The following FH variants were observed in gnomAD, a reference collection of about 807,000 sequenced individuals.
FH encodes the protein fumarate hydratase, mitochondrial.
FH carries 22 observed loss-of-function variants against 49.4 expected under a neutral mutation model. That is an observed-to-expected ratio of 0.45 (90% CI 0.32 to 0.64). FH has a LOEUF of 0.64. FH is among the 30% of genes least tolerant of loss of function. The pLI is 0.05. For missense variants in FH, 526 were observed against 641.5 expected, an observed-to-expected ratio of 0.82 and a Z score of 1.95; for synonymous variants, 208 against 223.0, an observed-to-expected ratio of 0.93 and a Z score of 0.60.
At chr1:241,511,841 C>A in intron 4 of FH, 126 bp downstream of exon 4, 4 of 891,372 alleles carry the variant, frequency 4.5e-6, no homozygotes, top group South Asian at 1.5e-5. Context: ...AAATAAGAAC[C>A]ATAAGAAGCC....
rs776240700 is a variant in FH, at chr1:241,511,963, T to C, written c.555+4A>G. 8.7e-6 allele frequency: 14 copies of C among 1,613,856 alleles called. No individual in the cohort carries two copies. Among genetic ancestry groups the C allele is most frequent in the Admixed American group, 1.7e-5 (1 of 60,024 alleles). On this transcript the variant is annotated splice_donor_region_variant and intron_variant, in intron 4 of 9. Coordinates refer to ENST00000366560, the MANE Select transcript of FH (RefSeq NM_000143.4). ...CCAAAAAACAGCAAAGCTCACATACTGACCTGGCTTTTATTAACATGATCG... is the reference window on the plus strand; with the variant it reads ...CCAAAAAACAGCAAAGCTCACATACCGACCTGGCTTTTATTAACATGATCG...
chr1:241,518,767 T>G (rs1338076109), intron 1 of FH, among the ~76,000 whole-genome samples: 2 of 152,218 alleles, frequency 1.3e-5, no homozygotes, highest in African/African-American at 4.8e-5. Flanking sequence ...ACATATGTAT[T>G]TAAAGCTTTT....
At chr1:241,506,461 A>G (rs1659933567) in intron 5 of FH, among the ~76,000 whole-genome samples, 1 of 152,210 alleles carries the variant, frequency 6.6e-6, no homozygotes, top group Non-Finnish European at 1.5e-5. Flanking sequence ...CACTTTAAAA[A>G]GAACAACTTT....
At chr1:241,498,136 T>C (rs1659671645) in intron 9 of FH, among the ~76,000 whole-genome samples, 166 bp from the exon 10 acceptor site, 1 of 152,226 alleles carries the variant, frequency 6.6e-6, no homozygotes, top group African/African-American at 2.4e-5. Context: ...AATCATTTTT[T>C]ATGTAGAACA....
rs544725540 is a variant in FH at position 241,509,062 on chromosome 1, T to C, written c.556-277A>G. On this transcript the variant is annotated intron_variant, in intron 4 of 9. Transcript: ENST00000366560. Reference sequence around the variant, plus strand: ...TTACGTATTATATTATATTATGTATTATATAATATATTATGTATTATATTA... The same window carrying C: ...TTACGTATTATATTATATTATGTATCATATAATATATTATGTATTATATTA... Among the ~76,000 whole-genome samples the C allele has an allele frequency of 1.0e-3, 156 of 148,796 alleles. 1 individual carries two copies. Among genetic ancestry groups the C allele is most frequent in the African/African-American group, 3.8e-3 (155 of 40,972 alleles).
In FH at chr1:241,497,839, C is replaced by G. The variant is rs1659661545; in HGVS notation, c.1522G>C (p.Gly508Arg). The G allele has an allele frequency of 3.7e-6, 6 of 1,607,444 alleles. No individual in the cohort carries two copies. Among genetic ancestry groups the G allele is most frequent in the Non-Finnish European group, 5.1e-6 (6 of 1,177,200 alleles). ...TAAATTTATGTAAATCACTTTGGAC[C>G]CAGCATGTCCTTAGGTTTTACCCAT... The part of the protein sequence containing the change: ...DEWVKPKDML[G>R]PK The change falls in exon 10 of 10, where the codon GGT (glycine) becomes CGT (arginine). Residue 508 changes from glycine to arginine, a missense_variant. Transcript: ENST00000366560.
chr1:241,518,269 G>T (rs958594370), intron 1 of FH, among the ~76,000 whole-genome samples: 6 of 152,152 alleles, frequency 3.9e-5, no homozygotes, highest in African/African-American at 1.2e-4. Flanking sequence ...TCTGATTTTA[G>T]CTAACATTAC....
chr1:241,515,107 A>C (rs1352660262), intron 2 of FH, among the ~76,000 whole-genome samples: 5 of 152,248 alleles, frequency 3.3e-5, no homozygotes, highest in Non-Finnish European at 7.3e-5. Context: ...TTAGATGTTC[A>C]TAATCTTTTT....
Position 241,517,193 on chromosome 1 carries a change from C to G in FH, c.256G>C (p.Glu86Gln). The G allele has an allele frequency of 6.2e-7, 1 of 1,614,178 alleles. No individual in the cohort carries two copies. Among genetic ancestry groups the G allele is most frequent in the Non-Finnish European group, 8.5e-7 (1 of 1,180,040 alleles). ...CAAATGCCACTTACTGGCATGCGTT[C>G]TGTCACACCTCCAATCTTAAAGTTC... ...TMNFKIGGVT[E>Q]RMPTPVIKAF... The change falls in exon 2 of 10, where the codon GAA becomes CAA. Residue 86 changes from glutamate (E) to glutamine (Q), a missense_variant. Glu to Gln is a conservative substitution (Grantham distance 29, BLOSUM62 2). This residue lies in a region of FH where 143 missense variants were observed against 127.5 expected (regional missense o/e 1.12). Transcript: ENST00000366560.
Position 241,519,685 on chromosome 1 carries a change from G to C in FH, c.38C>G (p.Pro13Arg), listed in dbSNP as rs1190505598. 6.5e-7 allele frequency: 1 copy of C among 1,547,138 alleles called. No homozygotes were observed. Among genetic ancestry groups the C allele is most frequent in the East Asian group, 2.4e-5 (1 of 40,828 alleles). ...RALRLLARSR[P>R]LVRAPAAALA... The stretch of plus-strand genomic sequence containing the variant: ...GGCTGCGGCTGGAGCCCGCACGAGG[G>C]GACGCGAGCGCGCGAGGAGCCGAAG... Residue 13 changes from proline (P) to arginine (R), a missense_variant, in exon 1 of 10, where the codon CCC becomes CGC. Physicochemically the swap from Pro to Arg is moderately radical, Grantham distance 103. Transcript: ENST00000366560.
At position 241,514,077 on chromosome 1, in the gene FH, T is replaced by G. The variant is rs182622112; in HGVS notation, c.268-364A>C. Among the ~76,000 whole-genome samples the G allele has an allele frequency of 3.3e-5, 5 of 152,204 alleles. No individual in the cohort carries two copies. In the East Asian group the frequency reaches 9.7e-4, roughly 29 times the overall value. ...TCATATACTATAAATAAAAACAAATTTAGTACTCAATCTTTTCACCAGCAA... is the reference window on the plus strand; with the variant it reads ...TCATATACTATAAATAAAAACAAATGTAGTACTCAATCTTTTCACCAGCAA... On this transcript the variant is annotated intron_variant, in intron 2 of 9. Transcript: ENST00000366560.
intron 9 of FH, among the ~76,000 whole-genome samples, chr1:241,498,846 A>T (rs1659696117): frequency 6.7e-6 from 1 of 149,964 alleles, no homozygotes; most frequent in South Asian, 2.1e-4. Flanking sequence ...GGCAGTATAC[A>T]TCATCAATAA....
chr1:241,507,184 T>C (rs1299553307), intron 5 of FH, among the ~76,000 whole-genome samples: 1 of 152,170 alleles, frequency 6.6e-6, no homozygotes, highest in Non-Finnish European at 1.5e-5. Flanking sequence ...CATTTAGATA[T>C]GTTTAGATAC....
In FH at chr1:241,517,223, T is replaced by C; in HGVS notation, c.226A>G (p.Thr76Ala). 15 of 1,614,198 alleles carry C rather than the reference T, an allele frequency of 9.3e-6. No individual in the cohort carries two copies. Among genetic ancestry groups the C allele is most frequent in the Non-Finnish European group, 1.1e-5 (13 of 1,180,030 alleles). The change falls in exon 2 of 10, where the codon ACG (threonine) becomes GCG (alanine). Residue 76 changes from threonine to alanine, a missense_variant. Around this residue, in one of 2 missense-constraint regions of FH, gnomAD observed 143 missense variants for 127.5 expected, o/e 1.12. Transcript: ENST00000366560. ...ACACCTCCAATCTTAAAGTTCATCG[T>C]AGATCTCACGGTCTGGGCGCCATAA... ...KYYGAQTVRS[T>A]MNFKIGGVTE... is the part of the protein sequence containing the mutation.
At chr1:241,502,875 T>G (rs931818065) in intron 7 of FH, among the ~76,000 whole-genome samples, 2 of 152,196 alleles carry the variant, frequency 1.3e-5, no homozygotes. Flanking sequence ...ATAAGAAAGA[T>G]GCAGGCCCTG....
chr1:241,500,295 A>G (rs1237335333), intron 9 of FH, 142 bp downstream of exon 9: 8 of 803,386 alleles, frequency 1.0e-5, no homozygotes, highest in Non-Finnish European at 1.6e-5. Context: ...TTTCCACACA[A>G]TTTCAAATAT....
intron 8 of FH, among the ~76,000 whole-genome samples, chr1:241,501,251 C>T (rs946776460): frequency 2.4e-4 from 36 of 152,084 alleles, no homozygotes; most frequent in African/African-American, 8.7e-4. Flanking sequence ...TCTAAAACTC[C>T]GGTCTGAAAA....
chr1:241,519,390 G>A, intron 1 of FH: 1 of 606,838 alleles, frequency 1.6e-6, no homozygotes. Context: ...GCGCTCTCCC[G>A]GGCTGCGGCT....
intron 4 of FH, among the ~76,000 whole-genome samples, chr1:241,510,742 A>G (rs553508512): frequency 6.6e-6 from 1 of 152,206 alleles, no homozygotes; most frequent in African/African-American, 2.4e-5. Context: ...AAGCCCAAAA[A>G]CTTTTTGATA....
Sources: gnomAD v4.1 joint callset for allele counts (sites outside exome capture counted in the v4.1 genomes callset) on GRCh38, gnomAD v4.1.1 for gene constraint, gnomAD v4.1.1 regional missense constraint, MANE v1.5 for transcripts, NCBI Gene and HGNC (gene_info 2026-07-23, HGNC 2026-07-21) for gene names.